The following EFR3B variants were observed in gnomAD, a reference collection of about 807,000 sequenced individuals.
EFR3B encodes protein EFR3 homolog B.
Under a neutral mutation model 104.7 loss-of-function variants are expected in EFR3B, and 64 were observed. The ratio of observed to expected loss-of-function variants is 0.61; its 90% CI spans 0.50 to 0.75. EFR3B has a LOEUF of 0.75. Ranked by LOEUF, EFR3B falls within the 30% of genes least tolerant of loss-of-function variation. The pLI is 0.00. For missense variants in EFR3B, 750 were observed against 1,078.5 expected, an observed-to-expected ratio of 0.70 and a Z score of 4.27; for synonymous variants, 385 against 417.9, an observed-to-expected ratio of 0.92 and a Z score of 0.96.
rs922019318 is a variant in EFR3B, at chr2:25,149,873, G to C, written c.2191+131G>C. 9 of 851,388 alleles carry C rather than the reference G, an allele frequency of 1.1e-5. No individual in the cohort carries two copies. The African/African-American group carries it at 1.5e-4, about 14-fold the overall frequency. 52.7% of individuals were successfully genotyped at this position (851,388 alleles called of 1,614,324 possible). On this transcript the variant is annotated intron_variant, in intron 20 of 22. Transcript: ENST00000403714. Reference sequence around the variant, plus strand: ...AGCACCTGCGTGAAGGGAGAGGCTGGTGTCTTTTGACAAACTCATCACAGC... The same window carrying C: ...AGCACCTGCGTGAAGGGAGAGGCTGCTGTCTTTTGACAAACTCATCACAGC...
chr2:25,120,678 T>C (rs1669988731), intron 4 of EFR3B, among the ~76,000 whole-genome samples: 1 of 151,678 alleles, frequency 6.6e-6, no homozygotes, highest in African/African-American at 2.4e-5. Flanking sequence ...ACAAAAGCCC[T>C]GTAAGAATCA....
chr2:25,065,346 ATTTTTTTT>A (rs749717958), intron 1 of EFR3B, among the ~76,000 whole-genome samples: 27 of 93,354 alleles, frequency 2.9e-4, no homozygotes, highest in African/African-American at 5.2e-4. Flanking sequence ...ACACCCAGCT[ATTTTTTTT>A]TTTTTTTTTT....
chr2:25,135,699 C>G, intron 13 of EFR3B, 60 bp downstream of exon 13: 2 of 1,533,456 alleles, frequency 1.3e-6, no homozygotes, highest in Non-Finnish European at 1.8e-6. Context: ...TCCATTAGGT[C>G]CTATCCTTTG....
chr2:25,143,156 C>T (rs535883566), intron 17 of EFR3B, among the ~76,000 whole-genome samples: 1 of 151,236 alleles, frequency 6.6e-6, no homozygotes, highest in Non-Finnish European at 1.5e-5. Flanking sequence ...GTGGAGCTTG[C>T]GGTGAGCAGA....
At chr2:25,058,378 C>T (rs1474706204) in intron 1 of EFR3B, 1 of 152,054 alleles carries the variant, frequency 6.6e-6, no homozygotes, top group Non-Finnish European at 1.5e-5. Flanking sequence ...CTCAACATCA[C>T]TCATCATTAG....
chr2:25,071,810 G>C (rs528443678), intron 1 of EFR3B, among the ~76,000 whole-genome samples: 1 of 152,292 alleles, frequency 6.6e-6, no homozygotes, highest in African/African-American at 2.4e-5. Flanking sequence ...TCCACTCAGA[G>C]TTCCTTTGTT....
At chr2:25,071,375 C>G (rs1021213223) in intron 1 of EFR3B, among the ~76,000 whole-genome samples, 1 of 151,992 alleles carries the variant, frequency 6.6e-6, no homozygotes, top group African/African-American at 2.4e-5. Flanking sequence ...ATTCTCCTGC[C>G]TCGGCCTCCT....
intron 5 of EFR3B, among the ~76,000 whole-genome samples, chr2:25,125,933 CA>C (rs947224936): frequency 1.3e-5 from 2 of 149,030 alleles, no homozygotes; most frequent in South Asian, 2.1e-4. Flanking sequence ...GACTCCGTCT[CA>C]AAAAAAAACG....
intron 1 of EFR3B, 119 bp from the exon 2 acceptor site, chr2:25,091,206 T>C: frequency 1.1e-6 from 1 of 906,442 alleles, no homozygotes; most frequent in Non-Finnish European, 1.7e-6. Context: ...AAGGGAGGGG[T>C]CTGTCTGATT....
Position 25,132,904 on chromosome 2 carries a change from C to T in EFR3B, c.1149C>T (p.Gly383=). The T allele has an allele frequency of 6.4e-7, 1 of 1,550,510 alleles. No individual in the cohort carries two copies. Reference sequence around the variant, plus strand: ...CACCCTCTCCGCCACCTCCTGCAGGCTCCTTTGCCAGCACGCTGCCCACCT... The same window carrying T: ...CACCCTCTCCGCCACCTCCTGCAGGTTCCTTTGCCAGCACGCTGCCCACCT... The part of the protein sequence containing the change: ...MFQEAVIKTV[G]SFASTLPTYQ... The change falls in exon 11 of 23, where the codon GGC becomes GGT. Residue 383 remains glycine (G), a splice_region_variant and synonymous_variant. Coordinates refer to ENST00000403714, the MANE Select transcript of EFR3B (RefSeq NM_014971.2).
chr2:25,042,538 G>A lies in EFR3B; in HGVS notation c.7+219G>A, dbSNP rs1170520743. 4.1e-6 allele frequency: 5 copies of A among 1,207,392 alleles called. No homozygotes were observed. In the Admixed American group the frequency reaches 1.3e-4, roughly 32 times the overall value. 74.8% of individuals were successfully genotyped at this position (1,207,392 alleles called of 1,614,324 possible). A position where few individuals can be genotyped will look rare whatever the true frequency, so the allele number is the denominator to read the frequency against. On this transcript the variant is annotated intron_variant, in intron 1 of 22. Coordinates refer to ENST00000403714, the MANE Select transcript of EFR3B (RefSeq NM_014971.2). This position sits in a 1 kb window ranked among gnomAD's most constrained non-coding sequence, Gnocchi z 5.4. The stretch of plus-strand genomic sequence containing the variant: ...CTGGGGTCCTCTCCAGGCCCGGCGC[G>A]TGCCGGTGCTGGGCGGTGGTCCTTC...
At chr2:25,118,104 C>G (rs189503531) in intron 4 of EFR3B, among the ~76,000 whole-genome samples, 5 of 152,160 alleles carry the variant, frequency 3.3e-5, no homozygotes, top group Non-Finnish European at 7.3e-5. Context: ...CTCAGCCTCC[C>G]GAGTAGCTGG....
chr2:25,048,163 G>A (rs911928042), intron 1 of EFR3B, among the ~76,000 whole-genome samples: 1 of 152,070 alleles, frequency 6.6e-6, no homozygotes, highest in Non-Finnish European at 1.5e-5. Context: ...CTACAGGCAT[G>A]TGCAACCATG....
chr2:25,101,251 G>C (rs1163639200), intron 3 of EFR3B, among the ~76,000 whole-genome samples: 1 of 152,178 alleles, frequency 6.6e-6, no homozygotes, highest in Non-Finnish European at 1.5e-5. Flanking sequence ...TTCCCAGCTG[G>C]TAGGAAGAGG....
chr2:25,131,777 C>A lies in EFR3B; in HGVS notation c.1013C>A (p.Thr338Lys). Residue 338 changes from threonine to lysine, a missense_variant, in exon 10 of 23, where the codon ACG (threonine) becomes AAG (lysine). Physicochemically the swap from Thr to Lys is moderately conservative, Grantham distance 78. Coordinates refer to ENST00000403714, the MANE Select transcript of EFR3B (RefSeq NM_014971.2). This position sits in a 1 kb window ranked among gnomAD's most constrained non-coding sequence, Gnocchi z 7.6. ...VGPTVLEMFN[T>K]LLRQLRLSID... The stretch of plus-strand genomic sequence containing the variant: ...CCCACAGTACTGGAGATGTTCAACA[C>A]GCTGCTGAGGCAGCTGCGGCTCAGC... The A allele has an allele frequency of 1.3e-6, 2 of 1,538,186 alleles. No homozygotes were observed. Among genetic ancestry groups the A allele is most frequent in the Non-Finnish European group, 1.8e-6 (2 of 1,140,798 alleles).
intron 1 of EFR3B, among the ~76,000 whole-genome samples, chr2:25,044,571 C>T (rs1667666216): frequency 1.3e-5 from 2 of 152,168 alleles, no homozygotes; most frequent in South Asian, 2.1e-4. Context: ...CCTCCTGGCA[C>T]TGCGCTTCTC....
rs1670299293 is a variant in EFR3B at position 25,130,512 on chromosome 2, G to C, written c.771-40G>C. 1 of 1,493,050 alleles carries C rather than the reference G, an allele frequency of 6.7e-7. No homozygotes were observed. Among genetic ancestry groups the C allele is most frequent in the Admixed American group, 2.0e-5 (1 of 50,884 alleles). The allele number at this position is 1,493,050 out of a possible 1,614,324, so 92.5% of individuals were successfully genotyped here. A position where few individuals can be genotyped will look rare whatever the true frequency, so the allele number is the denominator to read the frequency against. On this transcript the variant is annotated intron_variant, in intron 7 of 22. Transcript: ENST00000403714. This position sits in a 1 kb window ranked among gnomAD's most constrained non-coding sequence, Gnocchi z 4.6. ...TAATCTCTTCTCCCTAACACTGCCG[G>C]GAGTTTCATAGTTGTTCCCCCACGT...
At chr2:25,104,554 C>G (rs1669511552) in intron 4 of EFR3B, among the ~76,000 whole-genome samples, 1 of 152,144 alleles carries the variant, frequency 6.6e-6, no homozygotes, top group African/African-American at 2.4e-5. Context: ...GAAACAGAGG[C>G]TTTCTTTTGA....
At chr2:25,115,935 T>C (rs1287772924) in intron 4 of EFR3B, 1 of 152,268 alleles carries the variant, frequency 6.6e-6, no homozygotes, top group African/African-American at 2.4e-5. Context: ...CTTTGTGATG[T>C]CTTTCGGATA....
Sources: allele counts gnomAD v4.1 joint callset (sites outside exome capture counted in the v4.1 genomes callset), GRCh38; gene constraint gnomAD v4.1.1; non-coding constraint Gnocchi (gnomAD v3.1); transcripts MANE v1.5; gene names NCBI Gene and HGNC (gene_info 2026-07-23, HGNC 2026-07-21).